NME7: variants seen among roughly 807,000 people sequenced by gnomAD.
NME7 encodes the protein nucleoside diphosphate kinase 7.
In NME7, 41 loss-of-function variants were observed where a neutral mutation model predicts 49.1. The ratio of observed to expected loss-of-function variants is 0.83; its 90% CI spans 0.65 to 1.08. The LOEUF (loss-of-function observed/expected upper bound fraction) is 1.08. NME7 is among the 50% of genes least tolerant of loss of function. The probability of loss-of-function intolerance (pLI) is 0.00; values close to 1 mark genes in which losing one functional copy is unlikely to be tolerated. For synonymous variants in NME7, 139 were observed against 150.6 expected (o/e 0.92, Z 0.56); for missense variants, 423 against 463.4 (o/e 0.91, Z 0.80).
intron 10 of NME7, among the ~76,000 whole-genome samples, chr1:169,222,810 A>C (rs747559216): frequency 7.2e-5 from 11 of 152,236 alleles, no homozygotes; most frequent in Non-Finnish European, 1.6e-4. Context: ...TTTATAGAAA[A>C]GTTACTAATA....
intron 7 of NME7, among the ~76,000 whole-genome samples, chr1:169,243,825 A>C (rs1648188982): frequency 6.6e-6 from 1 of 152,166 alleles, no homozygotes; most frequent in Non-Finnish European, 1.5e-5. Context: ...AACTAAGATA[A>C]TGCCTATGAG....
intron 10 of NME7, among the ~76,000 whole-genome samples, chr1:169,224,870 A>T (rs1489029369): frequency 6.6e-6 from 1 of 152,160 alleles, no homozygotes; most frequent in Admixed American, 6.5e-5. Context: ...AAGTACAGTA[A>T]AATTTAACAG....
intron 2 of NME7, 48 bp from the exon 3 acceptor site, chr1:169,323,331 A>G: frequency 7.1e-7 from 1 of 1,411,712 alleles, no homozygotes; most frequent in Non-Finnish European, 9.3e-7. Context: ...AAAGTTATGA[A>G]TAAGGAAAGT....
intron 10 of NME7, among the ~76,000 whole-genome samples, chr1:169,175,741 AAATAT>A (rs10593825): frequency 0.25 from 37,584 of 151,850 alleles, 5,473 homozygotes; most frequent in Non-Finnish European, 0.34. Context: ...ACAAGGAAAA[AAATAT>A]TCTCTGGACT....
intron 7 of NME7, among the ~76,000 whole-genome samples, chr1:169,262,423 C>A (rs1649192908): frequency 1.5e-5 from 2 of 134,242 alleles, no homozygotes; most frequent in African/African-American, 2.5e-5. Context: ...TGAGATAAAT[C>A]ATTGTTTTTA....
intron 10 of NME7, among the ~76,000 whole-genome samples, chr1:169,202,966 G>C (rs1019727485): frequency 1.3e-5 from 2 of 151,984 alleles, no homozygotes; most frequent in African/African-American, 2.4e-5. Flanking sequence ...AGCTGGTCAG[G>C]CAGGCGGGCA....
intron 1 of NME7, among the ~76,000 whole-genome samples, chr1:169,332,945 T>A (rs539786966): frequency 6.6e-6 from 1 of 152,262 alleles, no homozygotes; most frequent in Admixed American, 6.5e-5. Context: ...GATCCAGCAA[T>A]CCCACTGCAG....
intron 6 of NME7, 66 bp from the exon 7 acceptor site, chr1:169,287,474 G>A: frequency 1.8e-6 from 2 of 1,116,404 alleles, no homozygotes; most frequent in East Asian, 5.2e-5. Context: ...AGATATTTCT[G>A]TGGGGGAGGA....
At chr1:169,160,692 G>A (rs922939086) in intron 11 of NME7, among the ~76,000 whole-genome samples, 1 of 152,134 alleles carries the variant, frequency 6.6e-6, no homozygotes, top group Non-Finnish European at 1.5e-5. Context: ...TATAAGACAG[G>A]TTAGGTTTTA....
chr1:169,302,747 A>G (rs1558030748), intron 5 of NME7, among the ~76,000 whole-genome samples: 2 of 152,026 alleles, frequency 1.3e-5, no homozygotes, highest in African/African-American at 4.8e-5. Context: ...CTGCACATGT[A>G]CCCCCTGAAT....
At chr1:169,346,133 C>T (rs1458590959) in intron 1 of NME7, among the ~76,000 whole-genome samples, 5 of 152,148 alleles carry the variant, frequency 3.3e-5, no homozygotes, top group African/African-American at 9.7e-5. Flanking sequence ...CATAACTAAC[C>T]TCTCTACTTC....
intron 1 of NME7, among the ~76,000 whole-genome samples, chr1:169,333,169 T>C (rs1037974786): frequency 2.0e-5 from 3 of 152,138 alleles, no homozygotes; most frequent in Admixed American, 6.5e-5. Flanking sequence ...GGGATGGAAC[T>C]GGAGATCATT....
intron 7 of NME7, chr1:169,246,866 A>T: frequency 2.8e-6 from 1 of 361,386 alleles, no homozygotes; most frequent in South Asian, 2.2e-5. Flanking sequence ...GGCATAAGCC[A>T]CTGCATCTGG....
At chr1:169,178,129 G>A (rs1484360976) in intron 10 of NME7, among the ~76,000 whole-genome samples, 2 of 152,044 alleles carry the variant, frequency 1.3e-5, no homozygotes, top group African/African-American at 4.8e-5. Flanking sequence ...GTGAGCCACC[G>A]TGCCCAGCCT....
chr1:169,238,733 A>G (rs1647964985), intron 7 of NME7, among the ~76,000 whole-genome samples: 4 of 152,058 alleles, frequency 2.6e-5, no homozygotes, highest in African/African-American at 9.7e-5. Context: ...CATGCTGTAG[A>G]AACAAAGGTT....
chr1:169,172,772 T>C (rs1659643301), intron 10 of NME7, among the ~76,000 whole-genome samples: 1 of 152,196 alleles, frequency 6.6e-6, no homozygotes, highest in Non-Finnish European at 1.5e-5. Flanking sequence ...AAACACTGTT[T>C]CCTCTATAAA....
At chr1:169,265,395 T>C (rs1161339214) in intron 7 of NME7, among the ~76,000 whole-genome samples, 2 of 132,698 alleles carry the variant, frequency 1.5e-5, no homozygotes, top group Non-Finnish European at 3.5e-5. Flanking sequence ...AGGTAAATAA[T>C]GAAATTAAGG....
At chr1:169,264,465 T>G (rs1475664720) in intron 7 of NME7, among the ~76,000 whole-genome samples, 3 of 133,158 alleles carry the variant, frequency 2.3e-5, no homozygotes, top group South Asian at 4.6e-4. Context: ...GACCAAACAA[T>G]CTTTAAGCCA....
chr1:169,325,638 T>G (rs536895816), intron 1 of NME7, among the ~76,000 whole-genome samples: 8 of 152,324 alleles, frequency 5.3e-5, no homozygotes, highest in African/African-American at 1.9e-4. Flanking sequence ...TTGCTAATTC[T>G]GGATTTGCCA....
Sources: gnomAD v4.1 joint callset for allele counts (sites outside exome capture counted in the v4.1 genomes callset) on GRCh38, gnomAD v4.1.1 for gene constraint, MANE v1.5 for transcripts, NCBI Gene and HGNC (gene_info 2026-07-23, HGNC 2026-07-21) for gene names.